The following GALNT7 variants were observed in gnomAD, a reference collection of about 807,000 sequenced individuals.
The protein encoded by GALNT7 is polypeptide N-acetylgalactosaminyltransferase 7.
A neutral mutation model predicts 82.1 loss-of-function variants in GALNT7; 60 were observed. The ratio of observed to expected loss-of-function variants is 0.73; its 90% CI spans 0.59 to 0.91. GALNT7 has a LOEUF of 0.91. Among genes scored for constraint, GALNT7 ranks in the 40% least tolerant of loss-of-function variants. The pLI is 0.00. For synonymous variants in GALNT7, 243 were observed against 275.1 expected (o/e 0.88, Z 1.15); for missense variants, 660 against 804.2 (o/e 0.82, Z 2.17).
intron 1 of GALNT7, among the ~76,000 whole-genome samples, chr4:173,171,076 G>A (rs1432653861): frequency 6.6e-6 from 1 of 152,204 alleles, no homozygotes; most frequent in African/African-American, 2.4e-5. Context: ...ACATTAAGAG[G>A]AATGCTTAGG....
intron 1 of GALNT7, among the ~76,000 whole-genome samples, chr4:173,237,122 C>T (rs1434281854): frequency 1.3e-5 from 2 of 152,148 alleles, no homozygotes; most frequent in Non-Finnish European, 2.9e-5. Flanking sequence ...CTAGTCGTGC[C>T]ATGGTAATAA....
intron 1 of GALNT7, among the ~76,000 whole-genome samples, chr4:173,196,817 A>C (rs1357679997): frequency 6.6e-6 from 1 of 152,146 alleles, no homozygotes; most frequent in Non-Finnish European, 1.5e-5. Flanking sequence ...TAACATGAAG[A>C]TGTTGTTGTC....
chr4:173,267,988 C>A (rs1579972621), intron 2 of GALNT7, among the ~76,000 whole-genome samples: 1 of 152,008 alleles, frequency 6.6e-6, no homozygotes, highest in African/African-American at 2.4e-5. Flanking sequence ...AATATGGTAC[C>A]CTCTTCATTG....
At chr4:173,300,272 G>A (rs1362048802) in intron 6 of GALNT7, among the ~76,000 whole-genome samples, 2 of 152,198 alleles carry the variant, frequency 1.3e-5, no homozygotes, top group African/African-American at 4.8e-5. Context: ...GAGCCCAGGA[G>A]TTCAAGGCTT....
chr4:173,173,532 G>C (rs1731944467), intron 1 of GALNT7, among the ~76,000 whole-genome samples: 1 of 152,140 alleles, frequency 6.6e-6, no homozygotes, highest in Non-Finnish European at 1.5e-5. Flanking sequence ...CCACAGACTG[G>C]GGGAGTTGGG....
At chr4:173,227,371 G>A (rs1368670849) in intron 1 of GALNT7, among the ~76,000 whole-genome samples, 4 of 152,000 alleles carry the variant, frequency 2.6e-5, no homozygotes, top group South Asian at 2.1e-4. Context: ...TCGCTCTGTC[G>A]CCCAGGCTGG....
chr4:173,270,038 A>C (rs182857024), intron 2 of GALNT7, among the ~76,000 whole-genome samples: 1 of 152,356 alleles, frequency 6.6e-6, no homozygotes. Context: ...ATATTTCTAG[A>C]ACCTGAAAAA....
intron 6 of GALNT7, among the ~76,000 whole-genome samples, chr4:173,299,688 T>C (rs1470960184): frequency 2.6e-5 from 4 of 151,820 alleles, no homozygotes; most frequent in African/African-American, 7.3e-5. Flanking sequence ...TTCTACTAAA[T>C]ATACAAAATT....
chr4:173,301,008 G>A (rs775889714), intron 6 of GALNT7, among the ~76,000 whole-genome samples: 10 of 151,964 alleles, frequency 6.6e-5, no homozygotes, highest in Non-Finnish European at 1.0e-4. Context: ...GTTGGTGTGC[G>A]CTTGTAGTCC....
At chr4:173,190,616 A>G (rs930664419) in intron 1 of GALNT7, among the ~76,000 whole-genome samples, 16 of 151,992 alleles carry the variant, frequency 1.1e-4, no homozygotes, top group Admixed American at 1.0e-3. Context: ...GTTGATTTCA[A>G]GTCTCTTTTC....
chr4:173,204,612 T>C (rs1232421256), intron 1 of GALNT7, among the ~76,000 whole-genome samples: 3 of 152,226 alleles, frequency 2.0e-5, no homozygotes, highest in African/African-American at 7.2e-5. Context: ...CTATTGCATT[T>C]TTCATTTAAC....
Position 173,209,757 on chromosome 4 carries a change from C to T in GALNT7, c.127-38223C>T, listed in dbSNP as rs79172827. ...ACCTGCCAGTCTATCCTTCGCCTGC[C>T]TGCCTTCCTTTCCGGGTGCCAGCAC... On this transcript the variant is annotated intron_variant, in intron 1 of 11. Transcript: ENST00000265000. Among the ~76,000 whole-genome samples, 1,399 of 152,356 alleles carry T rather than the reference C, an allele frequency of 9.2e-3. 18 individuals are homozygous for T. Among genetic ancestry groups the T allele is most frequent in the Middle Eastern group, 0.082 (24 of 294 alleles).
chr4:173,225,182 A>T (rs1246670042), intron 1 of GALNT7, among the ~76,000 whole-genome samples: 2 of 152,072 alleles, frequency 1.3e-5, no homozygotes, highest in Non-Finnish European at 2.9e-5. Flanking sequence ...CAGCCTCAGG[A>T]CTGCTGGAAT....
intron 1 of GALNT7, among the ~76,000 whole-genome samples, chr4:173,232,875 A>G (rs1561165440): frequency 6.6e-6 from 1 of 152,178 alleles, no homozygotes; most frequent in Non-Finnish European, 1.5e-5. Context: ...GTTTGTACCC[A>G]TTAACCAATC....
At chr4:173,255,709 T>A (rs1735012578) in intron 2 of GALNT7, among the ~76,000 whole-genome samples, 1 of 152,190 alleles carries the variant, frequency 6.6e-6, no homozygotes, top group Admixed American at 6.5e-5. Flanking sequence ...TCTCAGTGTT[T>A]GAGCTAACAG....
chr4:173,177,742 A>C (rs1732095639), intron 1 of GALNT7, among the ~76,000 whole-genome samples: 1 of 152,182 alleles, frequency 6.6e-6, no homozygotes, highest in African/African-American at 2.4e-5. Flanking sequence ...CCTGCCTGCT[A>C]ACCTAACCAG....
intron 9 of GALNT7, chr4:173,316,062 C>G (rs2126872156): frequency 6.6e-6 from 1 of 152,378 alleles, no homozygotes; most frequent in African/African-American, 2.4e-5. Context: ...AAAATAAAGG[C>G]AAATCATGTC....
At chr4:173,260,471 T>A (rs940122888) in intron 2 of GALNT7, among the ~76,000 whole-genome samples, 4 of 152,220 alleles carry the variant, frequency 2.6e-5, no homozygotes, top group Admixed American at 6.5e-5. Flanking sequence ...TATAGAAGTA[T>A]AATCATTAAT....
At chr4:173,231,123 A>G (rs1303467972) in intron 1 of GALNT7, among the ~76,000 whole-genome samples, 1 of 152,196 alleles carries the variant, frequency 6.6e-6, no homozygotes, top group East Asian at 1.9e-4. Context: ...AGACTGATTT[A>G]ATTCTTTGTA....
Sources: allele counts gnomAD v4.1 joint callset (sites outside exome capture counted in the v4.1 genomes callset), GRCh38; gene constraint gnomAD v4.1.1; transcripts MANE v1.5; gene names NCBI Gene and HGNC (gene_info 2026-07-23, HGNC 2026-07-21).